Variants in ERBB4 observed in about 807,000 individuals in gnomAD.
The protein encoded by ERBB4 is receptor tyrosine-protein kinase erbB-4.
ERBB4 carries 42 observed loss-of-function variants against 158.0 expected under a neutral mutation model. That is an observed-to-expected ratio of 0.27 (90% CI 0.21 to 0.34). ERBB4 has a LOEUF of 0.34. ERBB4 is among the 10% of genes least tolerant of loss of function. The pLI is 1.00. For synonymous variants in ERBB4, 583 were observed against 558.7 expected, an observed-to-expected ratio of 1.04 and a Z score of -0.61; for missense variants, 1,333 against 1,624.1, an observed-to-expected ratio of 0.82 and a Z score of 3.08.
At chr2:211,650,456 A>G (rs1451417190) in intron 16 of ERBB4, among the ~76,000 whole-genome samples, 1 of 152,056 alleles carries the variant, frequency 6.6e-6, no homozygotes, top group Non-Finnish European at 1.5e-5. Flanking sequence ...AGTTTATAAG[A>G]TCTGTGTGCA....
chr2:212,331,354 G>A (rs993135210), intron 1 of ERBB4, among the ~76,000 whole-genome samples: 2 of 151,478 alleles, frequency 1.3e-5, no homozygotes, highest in Non-Finnish European at 2.9e-5. Context: ...ATGTCTCAAT[G>A]CTGACATTGA....
intron 3 of ERBB4, among the ~76,000 whole-genome samples, chr2:211,819,719 G>A (rs1559546479): frequency 6.6e-6 from 1 of 151,786 alleles, no homozygotes; most frequent in African/African-American, 2.4e-5. Context: ...TAATTGTTAG[G>A]ATAGTGAAAG....
intron 1 of ERBB4, among the ~76,000 whole-genome samples, chr2:212,399,545 C>CATACAT (rs1170438057): frequency 2.6e-5 from 1 of 38,096 alleles, no homozygotes; most frequent in East Asian, 6.4e-4. Context: ...TTTATATATA[C>CATACAT]ATATATATAT....
chr2:211,404,981 A>AATT (rs1329810757), intron 25 of ERBB4, among the ~76,000 whole-genome samples: 1 of 152,142 alleles, frequency 6.6e-6, no homozygotes, highest in African/African-American at 2.4e-5. Flanking sequence ...AAAATGTGGA[A>AATT]ATTAGGAAAT....
chr2:211,862,527 C>T (rs1213709251), intron 3 of ERBB4, among the ~76,000 whole-genome samples: 2 of 151,968 alleles, frequency 1.3e-5, no homozygotes, highest in Non-Finnish European at 2.9e-5. Flanking sequence ...TTCATGGAGA[C>T]AACACTGCAT....
rs531773519 is a variant in ERBB4, at chr2:211,400,485, T to A, written c.3136-12493A>T. ...AGGGTAGAGGTTATTTTGCAAACTT[T>A]GTATCACAAATTTTATTTGAAGTAA... is the stretch of plus-strand genomic sequence containing the variant. On this transcript the variant is annotated intron_variant, in intron 25 of 27. Transcript: ENST00000342788. Among the ~76,000 whole-genome samples the A allele has an allele frequency of 7.9e-5, 12 of 152,234 alleles. No homozygotes were observed. The East Asian group carries it at 2.1e-3, about 27-fold the overall frequency.
intron 1 of ERBB4, among the ~76,000 whole-genome samples, chr2:212,221,108 A>AG (rs1491258445): frequency 1.3e-5 from 2 of 151,412 alleles, no homozygotes; most frequent in African/African-American, 4.8e-5. Flanking sequence ...ATCATGAAAC[A>AG]GGGGGTGGTT....
intron 1 of ERBB4, among the ~76,000 whole-genome samples, chr2:212,150,813 A>C (rs2080842078): frequency 6.6e-6 from 1 of 152,184 alleles, no homozygotes; most frequent in Non-Finnish European, 1.5e-5. Flanking sequence ...CATATCATTA[A>C]ATTCATGTGA....
intron 3 of ERBB4, among the ~76,000 whole-genome samples, chr2:211,924,299 C>T (rs1017101800): frequency 1.3e-5 from 2 of 152,016 alleles, no homozygotes; most frequent in African/African-American, 4.8e-5. Flanking sequence ...AATTTTTACT[C>T]AGAAAAGGTT....
chr2:211,724,782 C>A (rs1270511790), intron 6 of ERBB4, among the ~76,000 whole-genome samples: 1 of 152,086 alleles, frequency 6.6e-6, no homozygotes, highest in African/African-American at 2.4e-5. Flanking sequence ...GTAATCACCG[C>A]ATTACTGGAA....
rs550286834 is a variant in ERBB4, at chr2:211,538,104, T to C, written c.2487+23799A>G. 6.3e-4 allele frequency among the ~76,000 whole-genome samples: 92 copies of C among 145,244 alleles called. 1 individual carries two copies. Among genetic ancestry groups the C allele is most frequent in the Middle Eastern group, 3.4e-3 (1 of 294 alleles). ...TTGTTTACTTTAACAAAAATAATTA[T>C]AGGATTTGTAGTCCTTTAGTATTCT... On this transcript the variant is annotated intron_variant, in intron 20 of 27. Coordinates refer to ENST00000342788, the MANE Select transcript of ERBB4 (RefSeq NM_005235.3).
chr2:212,346,194 C>T (rs1330512990), intron 1 of ERBB4, among the ~76,000 whole-genome samples: 3 of 152,100 alleles, frequency 2.0e-5, no homozygotes, highest in Admixed American at 6.5e-5. Context: ...CTATTTTTGT[C>T]AGGTGCATAT....
At chr2:212,354,170 T>C (rs1244494098) in intron 1 of ERBB4, among the ~76,000 whole-genome samples, 1 of 152,156 alleles carries the variant, frequency 6.6e-6, no homozygotes, top group African/African-American at 2.4e-5. Context: ...CACATGCACT[T>C]GATTAATCAA....
intron 2 of ERBB4, among the ~76,000 whole-genome samples, chr2:211,988,302 T>A (rs1488174843): frequency 6.6e-6 from 1 of 152,118 alleles, no homozygotes; most frequent in Admixed American, 6.6e-5. Flanking sequence ...ACTAGTTTTA[T>A]AATCTTGGGC....
At chr2:212,404,597 G>T (rs1048384128) in intron 1 of ERBB4, among the ~76,000 whole-genome samples, 1 of 152,038 alleles carries the variant, frequency 6.6e-6, no homozygotes, top group Admixed American at 6.6e-5. Flanking sequence ...ACAAGTAAAA[G>T]AAAATCAGCA....
At chr2:211,780,714 C>A (rs866281455) in intron 4 of ERBB4, among the ~76,000 whole-genome samples, 1 of 152,268 alleles carries the variant, frequency 6.6e-6, no homozygotes, top group East Asian at 1.9e-4. Context: ...GTTCTCTTTG[C>A]TAATATTTTA....
chr2:211,947,510 C>T lies in ERBB4; in HGVS notation c.341G>A (p.Arg114Gln), dbSNP rs767277487. The change falls in exon 3 of 28, where the codon CGA becomes CAA. Residue 114 changes from arginine (R) to glutamine (Q), a missense_variant. Arg to Gln is a conservative substitution (Grantham distance 43, BLOSUM62 1). Transcript: ENST00000342788. ...IIRGTKLYED[R>Q]YALAIFLNYR... ...GTTTAAAAATATTGCCAAGGCATAT[C>T]GATCCTCATAAAGTTTTGTCCCACG... The T allele has an allele frequency of 1.5e-5, 25 of 1,613,658 alleles. No individual in the cohort carries two copies. The highest frequency in any genetic ancestry group is 3.3e-4 in the Middle Eastern group (2 of 6,082).
chr2:212,034,427 A>G (rs149589827), intron 2 of ERBB4, among the ~76,000 whole-genome samples: 1 of 152,054 alleles, frequency 6.6e-6, no homozygotes, highest in Non-Finnish European at 1.5e-5. Flanking sequence ...AAGGATTAAA[A>G]AGGAATAGTG....
intron 3 of ERBB4, among the ~76,000 whole-genome samples, chr2:211,858,178 A>G (rs983674977): frequency 2.0e-5 from 3 of 152,182 alleles, no homozygotes; most frequent in Non-Finnish European, 2.9e-5. Flanking sequence ...GATGGAGACA[A>G]GGAGACAGAG....
Sources: allele counts gnomAD v4.1 joint callset (sites outside exome capture counted in the v4.1 genomes callset), GRCh38; gene constraint gnomAD v4.1.1; transcripts MANE v1.5; gene names NCBI Gene and HGNC (gene_info 2026-07-23, HGNC 2026-07-21).